GTF2A1L: variants seen among roughly 807,000 people sequenced by gnomAD.
GTF2A1L encodes general transcription factor IIA subunit 1 like.
In GTF2A1L, 48 loss-of-function variants were observed where a neutral mutation model predicts 49.7. The observed-to-expected ratio is 0.97, with a 90% CI of 0.77 to 1.23. GTF2A1L has a LOEUF of 1.23. Among genes scored for constraint, GTF2A1L ranks in the 50% most tolerant of loss-of-function variants. The probability of loss-of-function intolerance (pLI) is 0.00; values close to 1 mark genes in which losing one functional copy is unlikely to be tolerated. For synonymous variants in GTF2A1L, 246 were observed against 193.5 expected, an observed-to-expected ratio of 1.27 and a Z score of -2.25; for missense variants, 736 against 564.8, an observed-to-expected ratio of 1.30 and a Z score of -3.07.
In GTF2A1L at chr2:48,621,271, A is replaced by G. The variant is rs766780641; in HGVS notation, c.228A>G (p.Gln76=). The change falls in exon 3 of 9, where the codon CAA becomes CAG. Residue 76 remains glutamine (Q), a synonymous_variant. Coordinates refer to ENST00000403751, the MANE Select transcript of GTF2A1L (RefSeq NM_006872.5). ...FTLQLPHSLH[Q]TLQSSTASLV... ...TTCAGTTGCCGCACAGCTTGCACCA[A>G]ACATTGCAATCGTCAACAGGTTGGA... 6.2e-7 allele frequency: 1 copy of G among 1,614,118 alleles called. No individual in the cohort carries two copies. Among genetic ancestry groups the G allele is most frequent in the South Asian group, 1.1e-5 (1 of 91,076 alleles).
intron 3 of GTF2A1L, among the ~76,000 whole-genome samples, chr2:48,626,932 G>T (rs1676326338): frequency 7.0e-6 from 1 of 143,228 alleles, no homozygotes; most frequent in Non-Finnish European, 1.6e-5. Flanking sequence ...TGATTTTTTG[G>T]ATAGGTAGTT....
intron 3 of GTF2A1L, among the ~76,000 whole-genome samples, chr2:48,621,498 A>T (rs1246936242): frequency 2.0e-5 from 3 of 152,188 alleles, no homozygotes; most frequent in Admixed American, 6.5e-5. Context: ...TTTATTTTAA[A>T]TATTAAATTT....
chr2:48,674,579 T>C (rs905101440), intron 8 of GTF2A1L, among the ~76,000 whole-genome samples: 5 of 152,184 alleles, frequency 3.3e-5, no homozygotes, highest in Admixed American at 2.0e-4. Context: ...GAACAGTTCT[T>C]AGTTTGAAAC....
chr2:48,626,605 C>G (rs912210636), intron 3 of GTF2A1L, among the ~76,000 whole-genome samples: 3 of 143,728 alleles, frequency 2.1e-5, no homozygotes, highest in African/African-American at 7.4e-5. Flanking sequence ...CAGGGTCTGG[C>G]TCTGTCATCC....
At chr2:48,660,570 T>C (rs923084951) in intron 6 of GTF2A1L, among the ~76,000 whole-genome samples, 1 of 152,036 alleles carries the variant, frequency 6.6e-6, no homozygotes, top group African/African-American at 2.4e-5. Context: ...TAAGTGTTCA[T>C]AGTTTTCTCT....
At chr2:48,648,214 T>A (rs1677644532) in intron 6 of GTF2A1L, among the ~76,000 whole-genome samples, 1 of 150,876 alleles carries the variant, frequency 6.6e-6, no homozygotes, top group African/African-American at 2.4e-5. Flanking sequence ...TTAAAATGTT[T>A]TATTGAGGTT....
intron 1 of GTF2A1L, among the ~76,000 whole-genome samples, chr2:48,618,995 A>AATT (rs1675820160): frequency 6.6e-6 from 1 of 152,216 alleles, no homozygotes; most frequent in African/African-American, 2.4e-5. Flanking sequence ...ACTACCACTG[A>AATT]AGCATCAATT....
chr2:48,621,017 A>G (rs1311659440), intron 2 of GTF2A1L, 65 bp downstream of exon 2: 3 of 1,542,174 alleles, frequency 1.9e-6, no homozygotes, highest in East Asian at 2.3e-5. Flanking sequence ...CAAAACTGAT[A>G]TAGTTCTGAT....
intron 8 of GTF2A1L, among the ~76,000 whole-genome samples, chr2:48,673,950 G>A (rs1679314444): frequency 6.6e-6 from 1 of 152,148 alleles, no homozygotes; most frequent in Non-Finnish European, 1.5e-5. Context: ...GTGAGGGCAA[G>A]GTCAGAAAGA....
intron 8 of GTF2A1L, 119 bp downstream of exon 8, chr2:48,671,799 T>A: frequency 2.1e-6 from 2 of 975,574 alleles, no homozygotes; most frequent in Non-Finnish European, 1.5e-6. Flanking sequence ...AACAGCAGTT[T>A]AATTCTGGAA....
chr2:48,646,535 A>G lies in GTF2A1L; in HGVS notation c.471A>G (p.Gln157=), dbSNP rs374211446. The part of the protein sequence containing the change: ...RAGILQHPIQ[Q]VFQQLGQPSV... ...GTATTCTTCAGCATCCAATTCAGCA[A>G]GTATTTCAACAGCTTGGCCAGCCTT... The change falls in exon 6 of 9, where the codon CAA becomes CAG. Residue 157 remains glutamine (Q), a synonymous_variant. Transcript: ENST00000403751. 1.5e-5 allele frequency: 24 copies of G among 1,614,198 alleles called. No homozygotes were observed. Among genetic ancestry groups the G allele is most frequent in the Admixed American group, 6.7e-5 (4 of 60,022 alleles).
chr2:48,653,273 T>C (rs1418220900), intron 6 of GTF2A1L, among the ~76,000 whole-genome samples: 2 of 148,752 alleles, frequency 1.3e-5, no homozygotes, highest in East Asian at 4.0e-4. Context: ...AGGCATGATA[T>C]ATATACAATA....
chr2:48,660,574 T>A (rs1243605633), intron 6 of GTF2A1L, among the ~76,000 whole-genome samples: 3 of 152,036 alleles, frequency 2.0e-5, no homozygotes, highest in Non-Finnish European at 4.4e-5. Context: ...TGTTCATAGT[T>A]TTCTCTTAAA....
chr2:48,665,176 C>T (rs990443300), intron 6 of GTF2A1L, among the ~76,000 whole-genome samples: 1 of 152,088 alleles, frequency 6.6e-6, no homozygotes, highest in African/African-American at 2.4e-5. Context: ...CCTGCCTTGG[C>T]CTCCTAAAGT....
intron 3 of GTF2A1L, among the ~76,000 whole-genome samples, chr2:48,627,087 A>G (rs1257972003): frequency 1.4e-5 from 2 of 143,378 alleles, no homozygotes; most frequent in African/African-American, 5.0e-5. Flanking sequence ...GTTTTTAATT[A>G]CTACCTCGAT....
intron 6 of GTF2A1L, among the ~76,000 whole-genome samples, chr2:48,658,585 G>T (rs958768085): frequency 2.6e-5 from 4 of 152,014 alleles, no homozygotes; most frequent in Non-Finnish European, 5.9e-5. Context: ...GGCTGTTCAG[G>T]CTCCTTGTTG....
chr2:48,631,831 A>C (rs1676595889), intron 3 of GTF2A1L, among the ~76,000 whole-genome samples: 1 of 152,132 alleles, frequency 6.6e-6, no homozygotes, highest in Non-Finnish European at 1.5e-5. Context: ...CTTTTGCTTC[A>C]TCTCAGAGAT....
intron 7 of GTF2A1L, 22 bp downstream of exon 7, chr2:48,670,004 A>C: frequency 6.3e-7 from 1 of 1,582,046 alleles, no homozygotes; most frequent in East Asian, 2.3e-5. Flanking sequence ...TTTTGAGCTG[A>C]GACTTCCTTT....
At chr2:48,679,116 A>T (rs1679625309) in intron 8 of GTF2A1L, among the ~76,000 whole-genome samples, 1 of 152,006 alleles carries the variant, frequency 6.6e-6, no homozygotes, top group Non-Finnish European at 1.5e-5. Flanking sequence ...ACAGTATAGA[A>T]ATATATGTAT....
Sources: gnomAD v4.1 joint callset for allele counts (sites outside exome capture counted in the v4.1 genomes callset) on GRCh38, gnomAD v4.1.1 for gene constraint, MANE v1.5 for transcripts, NCBI Gene and HGNC (gene_info 2026-07-23, HGNC 2026-07-21) for gene names.